Variants in PIGN observed in about 807,000 individuals in gnomAD.
The protein encoded by PIGN is GPI ethanolamine phosphate transferase 1.
PIGN carries 117 observed loss-of-function variants against 125.4 expected under a neutral mutation model. The observed-to-expected ratio is 0.93, with a 90% CI of 0.80 to 1.09. The LOEUF (loss-of-function observed/expected upper bound fraction) is 1.09. PIGN is among the 50% of genes least tolerant of loss of function. The pLI is 0.00. For missense variants in PIGN, 1,075 were observed against 1,094.9 expected, an observed-to-expected ratio of 0.98 and a Z score of 0.26; for synonymous variants, 392 against 377.8, an observed-to-expected ratio of 1.04 and a Z score of -0.44.
At chr18:62,047,048 C>A (rs369280198) in intron 30 of PIGN, among the ~76,000 whole-genome samples, 2 of 152,204 alleles carry the variant, frequency 1.3e-5, no homozygotes, top group Non-Finnish European at 2.9e-5. Context: ...ACCACAAGAG[C>A]CTATGCTCGC....
rs2031129300 is a variant in PIGN at position 62,049,972 on chromosome 18, C to T, written c.2673-3993G>A. Among the ~76,000 whole-genome samples, 7 of 150,530 alleles carry T rather than the reference C, an allele frequency of 4.7e-5. No individual in the cohort carries two copies. In the South Asian group the frequency reaches 1.5e-3, roughly 32 times the overall value. On this transcript the variant is annotated intron_variant, in intron 30 of 30. Transcript: ENST00000640252. ...TAAATAGGGAATCCTTTCCCCATTG[C>T]TTGTTTTTCTCAGGTTTGTCAAAGA...
rs1349993035 is a variant in PIGN at position 62,138,949 on chromosome 18, T to C, written c.1116+34A>G. 6 of 1,148,496 alleles carry C rather than the reference T, an allele frequency of 5.2e-6. 1 individual carries two copies. In the South Asian group the frequency reaches 9.2e-5, roughly 18 times the overall value. 71.1% of individuals were successfully genotyped at this position (1,148,496 alleles called of 1,614,324 possible). A position where few individuals can be genotyped will look rare whatever the true frequency, so the allele number is the denominator to read the frequency against. ...AATATTTAAATTGTAGTATTGTCCA[T>C]TTTTGTGCGTGCCTTTTTGAATTTT... On this transcript the variant is annotated intron_variant, in intron 13 of 30. Transcript: ENST00000640252.
At chr18:62,140,982 T>C (rs1016440716) in intron 11 of PIGN, among the ~76,000 whole-genome samples, 1 of 152,164 alleles carries the variant, frequency 6.6e-6, no homozygotes, top group African/African-American at 2.4e-5. Context: ...CCTCTTTAAG[T>C]TCAATTTCTC....
chr18:62,090,649 G>A (rs2033915135), intron 23 of PIGN, 71 bp from the exon 24 acceptor site: 1 of 775,930 alleles, frequency 1.3e-6, no homozygotes, highest in Admixed American at 2.4e-5. Flanking sequence ...AATTTACACT[G>A]AGGTCTTTCT....
At chr18:62,037,663 G>A (rs1367551869), downstream of PIGN, among the ~76,000 whole-genome samples, 5 of 152,228 alleles carry the variant, frequency 3.3e-5, no homozygotes, top group African/African-American at 1.2e-4. Context: ...AATCTTTGGT[G>A]GAGGCACGGT....
chr18:62,175,291 A>G (rs1376462090), intron 1 of PIGN, among the ~76,000 whole-genome samples: 2 of 151,682 alleles, frequency 1.3e-5, no homozygotes, highest in Non-Finnish European at 2.9e-5. Context: ...TTCTCCCTTC[A>G]TCTAAAGTAA....
chr18:62,024,680 A>G (rs891475122), intron 23 of PIGN, among the ~76,000 whole-genome samples: 2 of 152,102 alleles, frequency 1.3e-5, no homozygotes, highest in African/African-American at 2.4e-5. Context: ...CTGTGGCTCA[A>G]CTATCACTTG....
In PIGN at chr18:62,095,890, A is replaced by T; in HGVS notation, c.2138T>A (p.Ile713Lys). The T allele has an allele frequency of 6.2e-7, 1 of 1,613,284 alleles. No individual in the cohort carries two copies. The highest frequency in any genetic ancestry group is 8.5e-7 in the Non-Finnish European group (1 of 1,179,308). Reference protein sequence around the residue: ...SPVLFQRLFSILLSLMSTYLL... With the variant: ...SPVLFQRLFSKLLSLMSTYLL... ...GTAGGTTGACATCAATGAAAGAAGT[A>T]TGCTGAACAATCGCTGAAAGAGAAC... The change falls in exon 23 of 31, where the codon ATA becomes AAA. Residue 713 changes from isoleucine (I) to lysine (K), a missense_variant. Transcript: ENST00000640252.
intron 30 of PIGN, among the ~76,000 whole-genome samples, chr18:62,070,860 G>C (rs2032804614): frequency 6.6e-6 from 1 of 151,918 alleles, no homozygotes; most frequent in Non-Finnish European, 1.5e-5. Flanking sequence ...CTGGAGTGCA[G>C]TGGCCCAGTC....
chr18:62,059,284 A>T (rs2031967105), intron 30 of PIGN: 1 of 151,902 alleles, frequency 6.6e-6, no homozygotes, highest in African/African-American at 2.4e-5. Flanking sequence ...ACTCTTCAGC[A>T]TAGAGCCTGG....
Position 62,106,882 on chromosome 18 carries a change from C to G in PIGN, c.1675-1G>C. ...TATAGCGGTAGAAAAAACTGAGAAC[C>G]TAGTAATGCATTCCAAAGAAGGAAT... On this transcript the variant is annotated splice_acceptor_variant, in intron 18 of 30. Transcript: ENST00000640252. LOFTEE classifies it high-confidence loss of function. The G allele has an allele frequency of 6.2e-7, 1 of 1,603,514 alleles. No individual in the cohort carries two copies. Among genetic ancestry groups the G allele is most frequent in the Non-Finnish European group, 8.5e-7 (1 of 1,174,146 alleles).
intron 1 of PIGN, among the ~76,000 whole-genome samples, chr18:62,176,077 G>T (rs1205997042): frequency 6.6e-6 from 1 of 152,080 alleles, no homozygotes; most frequent in Non-Finnish European, 1.5e-5. Context: ...CTTATTTAAT[G>T]AGATATATAA....
At chr18:62,064,661 C>T (rs918359444) in intron 30 of PIGN, among the ~76,000 whole-genome samples, 1 of 152,164 alleles carries the variant, frequency 6.6e-6, no homozygotes, top group African/African-American at 2.4e-5. Flanking sequence ...AACATAAGTA[C>T]AATTCCTAAT....
rs553249392 is a variant in PIGN, at chr18:62,094,246, A to G, written c.2180+1602T>C. ...GCTTCTTTCTCTCCTTTTCTAATCC[A>G]GCAAATCAGATCTATTTTTATATTT... On this transcript the variant is annotated intron_variant, in intron 23 of 30. Coordinates refer to ENST00000640252, the MANE Select transcript of PIGN (RefSeq NM_176787.5). Among the ~76,000 whole-genome samples the G allele has an allele frequency of 2.0e-4, 30 of 152,278 alleles. 1 individual carries two copies. The highest frequency in any genetic ancestry group is 5.8e-4 in the African/African-American group (24 of 41,590).
intron 25 of PIGN, among the ~76,000 whole-genome samples, chr18:62,085,623 GAC>G (rs1290759532): frequency 6.6e-6 from 1 of 152,116 alleles, no homozygotes; most frequent in Admixed American, 6.5e-5. Context: ...TCAGCTGAGA[GAC>G]ACAGTTATAG....
chr18:62,046,777 T>TA (rs1157509481), intron 30 of PIGN, among the ~76,000 whole-genome samples: 1 of 152,026 alleles, frequency 6.6e-6, no homozygotes, highest in African/African-American at 2.4e-5. Context: ...CAGATGCAAT[T>TA]AAAAAAATAT....
chr18:62,068,197 A>C (rs2032638928), intron 30 of PIGN, among the ~76,000 whole-genome samples: 1 of 152,184 alleles, frequency 6.6e-6, no homozygotes, highest in South Asian at 2.1e-4. Flanking sequence ...GGATGAAGGA[A>C]GGAGACGGGC....
chr18:62,184,998 T>C (rs1260369085), intron 1 of PIGN, among the ~76,000 whole-genome samples: 1 of 152,196 alleles, frequency 6.6e-6, no homozygotes. Flanking sequence ...GGTCTCACAA[T>C]AAATAATGAG....
intron 29 of PIGN, among the ~76,000 whole-genome samples, chr18:62,074,467 G>GA (rs1412042109): frequency 6.6e-6 from 1 of 152,062 alleles, no homozygotes; most frequent in South Asian, 2.1e-4. Context: ...CATTTCAGTA[G>GA]AAAAATGATG....
Sources: gnomAD v4.1 joint callset for allele counts (sites outside exome capture counted in the v4.1 genomes callset) on GRCh38, gnomAD v4.1.1 for gene constraint, MANE v1.5 for transcripts, NCBI Gene and HGNC (gene_info 2026-07-23, HGNC 2026-07-21) for gene names.